TNNT2: variants seen among roughly 807,000 people sequenced by gnomAD.
TNNT2 encodes the protein troponin T2, cardiac type.
TNNT2 carries 34 observed loss-of-function variants against 62.4 expected under a neutral mutation model. The observed-to-expected ratio is 0.54, with a 90% CI of 0.41 to 0.72. TNNT2 has a LOEUF of 0.72. Among genes scored for constraint, TNNT2 ranks in the 30% least tolerant of loss-of-function variants. The probability of loss-of-function intolerance (pLI) is 0.00; values close to 1 mark genes in which losing one functional copy is unlikely to be tolerated. For missense variants in TNNT2, 275 were observed against 381.9 expected, an observed-to-expected ratio of 0.72 and a Z score of 2.33; for synonymous variants, 123 against 127.2, an observed-to-expected ratio of 0.97 and a Z score of 0.22.
At chr1:201,366,633 G>A in intron 8 of TNNT2, 1 of 1,464,610 alleles carries the variant, frequency 6.8e-7, no homozygotes, top group Non-Finnish European at 9.0e-7. Context: ...GATTGGTGAT[G>A]GAGTGTTGGG....
chr1:201,366,511 G>A (rs1659692835), intron 8 of TNNT2: 1 of 1,222,604 alleles, frequency 8.2e-7, no homozygotes, highest in Non-Finnish European at 1.0e-6. Context: ...TTAATCCCAA[G>A]GTCCCACCTC....
intron 1 of TNNT2, among the ~76,000 whole-genome samples, chr1:201,377,074 G>A (rs1462508405): frequency 2.6e-5 from 4 of 152,202 alleles, no homozygotes; most frequent in Non-Finnish European, 5.9e-5. Context: ...GTCGTTCTCA[G>A]TACTTCCAGG....
Position 201,364,389 on chromosome 1 carries a change from G to A in TNNT2, c.412-14C>T. ...CCGACGTCTCTCCTAAGGAGAAGAG[G>A]CAAAGCCCACCCAGGTGTGCATAGG... On this transcript the variant is annotated splice_polypyrimidine_tract_variant and intron_variant, in intron 10 of 16. Coordinates refer to ENST00000656932, the MANE Select transcript of TNNT2 (RefSeq NM_001276345.2). The A allele has an allele frequency of 9.3e-6, 15 of 1,611,288 alleles. No homozygotes were observed. Among genetic ancestry groups the A allele is most frequent in the Non-Finnish European group, 1.3e-5 (15 of 1,179,808 alleles).
chr1:201,361,136 C>A (rs1212374138), intron 15 of TNNT2, 143 bp downstream of exon 15: 3 of 820,116 alleles, frequency 3.7e-6, no homozygotes, highest in Non-Finnish European at 6.4e-6. Context: ...GAAGGCCAGG[C>A]AGCAGGGGCA....
chr1:201,371,523 T>C (rs1660601684), intron 4 of TNNT2, among the ~76,000 whole-genome samples: 1 of 152,148 alleles, frequency 6.6e-6, no homozygotes, highest in African/African-American at 2.4e-5. Context: ...GGTTTTTAAG[T>C]AGTGCTTATC....
chr1:201,369,740 C>T, intron 5 of TNNT2, 76 bp downstream of exon 5: 1 of 1,598,260 alleles, frequency 6.3e-7, no homozygotes. Context: ...GCCCCCAGAA[C>T]AGGGCCCCTG....
At chr1:201,359,510 C>T (rs1658194806) in intron 16 of TNNT2, 113 bp downstream of exon 16, 2 of 1,160,962 alleles carry the variant, frequency 1.7e-6, no homozygotes, top group African/African-American at 1.5e-5. Context: ...TGGGCTGAAG[C>T]AGAGGAGGAA....
chr1:201,361,316 A>C lies in TNNT2; in HGVS notation c.773T>G (p.Phe258Cys). Residue 258 changes from phenylalanine (F) to cysteine (C), a missense_variant, in exon 15 of 17, where the codon TTC becomes TGC. By Grantham distance (205) the Phe-to-Cys change is radical. Coordinates refer to ENST00000656932, the MANE Select transcript of TNNT2 (RefSeq NM_001276345.2). ...QSIYNLEAEK[F>C]DLQEKFKQQK... ...CTGCTTGAACTTCTCCTGCAGGTCG[A>C]ACTTCTCTGCCTCCAAGTTATAGAT... The C allele has an allele frequency of 2.5e-6, 4 of 1,614,114 alleles. No individual in the cohort carries two copies. Among genetic ancestry groups the C allele is most frequent in the Non-Finnish European group, 3.4e-6 (4 of 1,179,994 alleles).
intron 11 of TNNT2, 188 bp downstream of exon 11, chr1:201,364,110 C>G: frequency 1.6e-6 from 1 of 616,714 alleles, no homozygotes; most frequent in Admixed American, 2.7e-5. Flanking sequence ...TCTCGAACTC[C>G]CAACCTCAAG....
intron 1 of TNNT2, chr1:201,375,307 G>T (rs1229779411): frequency 1.3e-5 from 2 of 152,246 alleles, no homozygotes; most frequent in Non-Finnish European, 2.9e-5. Context: ...TTCCCATTAT[G>T]TCCAGTTCTG....
intron 1 of TNNT2, chr1:201,373,689 T>C: frequency 3.7e-6 from 1 of 271,566 alleles, no homozygotes; most frequent in East Asian, 8.8e-5. Context: ...TTCTCCCACC[T>C]CAGCCTCCTG....
At chr1:201,369,612 G>A (rs887610342) in intron 5 of TNNT2, among the ~76,000 whole-genome samples, 1 of 152,172 alleles carries the variant, frequency 6.6e-6, no homozygotes, top group Non-Finnish European at 1.5e-5. Context: ...AGGAAGAGGA[G>A]CCAGTGGCCC....
chr1:201,369,956 G>T, intron 4 of TNNT2, 111 bp from the exon 5 acceptor site: 1 of 1,251,002 alleles, frequency 8.0e-7, no homozygotes, highest in Non-Finnish European at 1.2e-6. Flanking sequence ...TAAGAGTGTG[G>T]GCTTTGGAGT....
chr1:201,363,279 T>C lies in TNNT2; in HGVS notation c.600+17A>G. On this transcript the variant is annotated intron_variant, in intron 12 of 16. Coordinates refer to ENST00000656932, the MANE Select transcript of TNNT2 (RefSeq NM_001276345.2). The stretch of plus-strand genomic sequence containing the variant: ...TATACTAGGATCTCCTGGCAACCCC[T>C]GCTGCTCCCTACCTACCTTCTGGAT... 6.2e-7 allele frequency: 1 copy of C among 1,613,936 alleles called. No individual in the cohort carries two copies. Among genetic ancestry groups the C allele is most frequent in the Non-Finnish European group, 8.5e-7 (1 of 1,179,820 alleles).
At chr1:201,370,057 A>G (rs1313117183) in intron 4 of TNNT2, among the ~76,000 whole-genome samples, 1 of 151,740 alleles carries the variant, frequency 6.6e-6, no homozygotes, top group Non-Finnish European at 1.5e-5. Flanking sequence ...CTCATCAGTA[A>G]AATGGGAATC....
chr1:201,360,298 G>A (rs1025021810), intron 15 of TNNT2, among the ~76,000 whole-genome samples: 2 of 152,228 alleles, frequency 1.3e-5, no homozygotes, highest in African/African-American at 4.8e-5. Flanking sequence ...TGAGGGCATA[G>A]TAAGTTAATA....
chr1:201,376,466 C>A (rs1029024427), intron 1 of TNNT2, among the ~76,000 whole-genome samples: 1 of 152,144 alleles, frequency 6.6e-6, no homozygotes, highest in Non-Finnish European at 1.5e-5. Flanking sequence ...TTTCCTAAGC[C>A]AACAGCTGTT....
chr1:201,359,263 G>T lies in TNNT2; in HGVS notation c.852-8C>A. 6.2e-7 allele frequency: 1 copy of T among 1,610,548 alleles called. No homozygotes were observed. Among genetic ancestry groups the T allele is most frequent in the Non-Finnish European group, 8.5e-7 (1 of 1,178,964 alleles). ...TTCCCGCGGGTCTTGGAGCTGCAGG[G>T]GAAGCAGGACGCAGTGACATGGAGA... is the stretch of plus-strand genomic sequence containing the variant. On this transcript the variant is annotated splice_polypyrimidine_tract_variant and splice_region_variant and intron_variant, in intron 16 of 16. Transcript: ENST00000656932.
chr1:201,361,867 G>C, intron 14 of TNNT2, 46 bp downstream of exon 14: 12 of 1,570,412 alleles, frequency 7.6e-6, no homozygotes, highest in Non-Finnish European at 9.6e-6. Flanking sequence ...ACCCCTCCCA[G>C]AGCAGATGCG....
Sources: allele counts gnomAD v4.1 joint callset (sites outside exome capture counted in the v4.1 genomes callset), GRCh38; gene constraint gnomAD v4.1.1; transcripts MANE v1.5; gene names NCBI Gene and HGNC (gene_info 2026-07-23, HGNC 2026-07-21).